PLPP1: variants seen among roughly 807,000 people sequenced by gnomAD.
The protein encoded by PLPP1 is lipid phosphate phosphohydrolase 1a.
In PLPP1, 24 loss-of-function variants were observed where a neutral mutation model predicts 31.2. That is an observed-to-expected ratio of 0.77 (90% CI 0.56 to 1.08). The LOEUF (loss-of-function observed/expected upper bound fraction) is 1.08. Ranked by LOEUF, PLPP1 falls within the 50% of genes least tolerant of loss-of-function variation. The probability of loss-of-function intolerance (pLI) is 0.00; values close to 1 mark genes in which losing one functional copy is unlikely to be tolerated. For synonymous variants in PLPP1, 146 were observed against 126.3 expected, an observed-to-expected ratio of 1.16 and a Z score of -1.05; for missense variants, 319 against 342.7, an observed-to-expected ratio of 0.93 and a Z score of 0.55.
chr5:55,465,234 A>G (rs1017983287), intron 3 of PLPP1, among the ~76,000 whole-genome samples: 1 of 151,938 alleles, frequency 6.6e-6, no homozygotes, highest in African/African-American at 2.4e-5. Context: ...TAGTAGAGAC[A>G]GGGTTTCACC....
intron 3 of PLPP1, among the ~76,000 whole-genome samples, chr5:55,457,615 G>C (rs1752045833): frequency 6.6e-6 from 1 of 152,154 alleles, no homozygotes; most frequent in Non-Finnish European, 1.5e-5. Context: ...TGAATAATTT[G>C]CAAGGGGGCT....
chr5:55,429,129 A>G (rs1330232290), intron 4 of PLPP1, among the ~76,000 whole-genome samples: 1 of 152,096 alleles, frequency 6.6e-6, no homozygotes, highest in South Asian at 2.1e-4. Flanking sequence ...TCTAATTTCA[A>G]AAGTAGTAGG....
chr5:55,465,602 TG>T (rs1244184985), intron 3 of PLPP1, among the ~76,000 whole-genome samples: 2 of 152,190 alleles, frequency 1.3e-5, no homozygotes, highest in African/African-American at 4.8e-5. Flanking sequence ...GAATTTGTGT[TG>T]GGCCGCATTC....
intron 1 of PLPP1, among the ~76,000 whole-genome samples, chr5:55,522,846 G>C (rs1410755482): frequency 6.6e-6 from 1 of 152,316 alleles, no homozygotes; most frequent in East Asian, 1.9e-4. Context: ...AGCCTCCTGA[G>C]TAGCTGGGAC....
intron 1 of PLPP1, among the ~76,000 whole-genome samples, chr5:55,495,132 C>CA (rs36000140): frequency 5.8e-4 from 66 of 114,184 alleles, no homozygotes; most frequent in East Asian, 5.4e-3. Context: ...ACTCTGTCTC[C>CA]AAAAAAAAAA....
intron 1 of PLPP1, among the ~76,000 whole-genome samples, chr5:55,529,740 A>G (rs1414664093): frequency 1.4e-5 from 2 of 139,346 alleles, no homozygotes; most frequent in Non-Finnish European, 3.1e-5. Context: ...TGCAACTCTA[A>G]TAACTGGCTC....
Position 55,534,875 on chromosome 5 carries a change from C to T in PLPP1, c.-246G>A. 1 of 493,222 alleles carries T rather than the reference C, an allele frequency of 2.0e-6. No homozygotes were observed. The highest frequency in any genetic ancestry group is 3.6e-6 in the Non-Finnish European group (1 of 280,276). The allele number at this position is 493,222 out of a possible 1,614,324, so 30.6% of individuals were successfully genotyped here. ...CGGTTAGTGCCGAGGCGCTCGTGTG[C>T]CAGCCGCGGCAGCTCTGTAGCCTCA... On this transcript the variant is annotated 5_prime_UTR_variant, in exon 1 of 6. Transcript: ENST00000307259.
Position 55,521,560 on chromosome 5 carries a change from C to T in PLPP1, c.58+13012G>A, listed in dbSNP as rs75479373. Among the ~76,000 whole-genome samples the T allele has an allele frequency of 2.7e-4, 41 of 152,086 alleles. No individual in the cohort carries two copies. In the East Asian group the frequency reaches 7.0e-3, roughly 26 times the overall value. On this transcript the variant is annotated intron_variant, in intron 1 of 5. Transcript: ENST00000307259. ...AAAAACAAAAAACTTGATTAAAATACCTGCCTATCTCACCTTCCAAAGCTC... is the reference window on the plus strand; with the variant it reads ...AAAAACAAAAAACTTGATTAAAATATCTGCCTATCTCACCTTCCAAAGCTC...
At chr5:55,444,572 C>T (rs1384298835) in intron 3 of PLPP1, among the ~76,000 whole-genome samples, 1 of 152,084 alleles carries the variant, frequency 6.6e-6, no homozygotes, top group Non-Finnish European at 1.5e-5. Context: ...AGCTTTCCAA[C>T]CAAATCTTAC....
intron 1 of PLPP1, among the ~76,000 whole-genome samples, chr5:55,533,587 G>A (rs1266208451): frequency 6.6e-6 from 1 of 152,090 alleles, no homozygotes; most frequent in Non-Finnish European, 1.5e-5. Flanking sequence ...TTCCATCCAG[G>A]TGGCTAAAGC....
chr5:55,432,346 A>G (rs1751379114), intron 4 of PLPP1, among the ~76,000 whole-genome samples: 2 of 152,172 alleles, frequency 1.3e-5, no homozygotes, highest in African/African-American at 4.8e-5. Context: ...AGGAAGAAAT[A>G]GAAAACCTGA....
intron 3 of PLPP1, among the ~76,000 whole-genome samples, chr5:55,450,637 G>A (rs1751871936): frequency 6.6e-6 from 1 of 152,088 alleles, no homozygotes; most frequent in South Asian, 2.1e-4. Flanking sequence ...ACTAACCAGG[G>A]GAAGGAAAGA....
intron 1 of PLPP1, among the ~76,000 whole-genome samples, chr5:55,477,381 C>T (rs1350853009): frequency 7.2e-6 from 1 of 139,478 alleles, no homozygotes; most frequent in African/African-American, 2.6e-5. Context: ...AGAACCACTA[C>T]TTCTTTTTTC....
chr5:55,506,650 G>C (rs1314977607), intron 1 of PLPP1, among the ~76,000 whole-genome samples: 1 of 152,110 alleles, frequency 6.6e-6, no homozygotes, highest in Non-Finnish European at 1.5e-5. Context: ...TTACCAAAAA[G>C]GTAATAAATA....
intron 1 of PLPP1, among the ~76,000 whole-genome samples, chr5:55,506,983 T>C (rs1396844998): frequency 2.0e-5 from 3 of 152,204 alleles, no homozygotes; most frequent in Non-Finnish European, 2.9e-5. Context: ...AAATATGCAA[T>C]ATATTTCTTG....
chr5:55,475,650 C>T (rs1232207396), intron 1 of PLPP1, among the ~76,000 whole-genome samples, 200 bp from the exon 2 acceptor site: 1 of 152,168 alleles, frequency 6.6e-6, no homozygotes, highest in Non-Finnish European at 1.5e-5. Flanking sequence ...GTTTTGTCTA[C>T]AGCAAACAAA....
Position 55,440,072 on chromosome 5 carries a change from T to C in PLPP1, c.549+1779A>G, listed in dbSNP as rs1207969345. 4.6e-5 allele frequency among the ~76,000 whole-genome samples: 7 copies of C among 152,190 alleles called. No homozygotes were observed. In the South Asian group the frequency reaches 1.0e-3, roughly 22 times the overall value. On this transcript the variant is annotated intron_variant, in intron 4 of 5. Coordinates refer to ENST00000307259, the MANE Select transcript of PLPP1 (RefSeq NM_003711.4). Reference sequence around the variant, plus strand: ...CTTGTAAAACAGTGGCAGTCATCCCTCATCTTTTCATGGAAATTTAGTCAA... The same window carrying C: ...CTTGTAAAACAGTGGCAGTCATCCCCCATCTTTTCATGGAAATTTAGTCAA...
At chr5:55,429,576 A>T (rs1277795928) in intron 4 of PLPP1, among the ~76,000 whole-genome samples, 1 of 152,124 alleles carries the variant, frequency 6.6e-6, no homozygotes, top group Non-Finnish European at 1.5e-5. Flanking sequence ...GGACTGCATG[A>T]TGGCACTGCT....
intron 3 of PLPP1, among the ~76,000 whole-genome samples, chr5:55,445,559 T>C (rs1751744589): frequency 2.1e-5 from 1 of 48,758 alleles, no homozygotes; most frequent in African/African-American, 6.3e-5. Context: ...TTTTTTTTTT[T>C]TTTGAGACAG....
Sources: allele counts gnomAD v4.1 joint callset (sites outside exome capture counted in the v4.1 genomes callset), GRCh38; gene constraint gnomAD v4.1.1; transcripts MANE v1.5; gene names NCBI Gene and HGNC (gene_info 2026-07-23, HGNC 2026-07-21).